Variants in BAIAP2L1 observed in about 807,000 individuals in gnomAD.
The protein encoded by BAIAP2L1 is BAR/IMD domain-containing adapter protein 2-like 1.
In BAIAP2L1, 35 loss-of-function variants were observed where a neutral mutation model predicts 66.3. The observed-to-expected ratio is 0.53, with a 90% CI of 0.40 to 0.70. The LOEUF (loss-of-function observed/expected upper bound fraction) is 0.70. Among genes scored for constraint, BAIAP2L1 ranks in the 30% least tolerant of loss-of-function variants. The pLI, the probability that BAIAP2L1 is intolerant of heterozygous loss-of-function variation, is 0.00. For missense variants in BAIAP2L1, 622 were observed against 656.9 expected (o/e 0.95, Z 0.58); for synonymous variants, 269 against 248.7 (o/e 1.08, Z -0.77).
intron 2 of BAIAP2L1, chr7:98,355,556 CAA>C (rs60113566): frequency 4.4e-4 from 51 of 116,438 alleles, no homozygotes; most frequent in South Asian, 1.4e-3. Context: ...CCCGCCTCTA[CAA>C]AAAAAAAAAA....
chr7:98,352,426 G>A (rs1293611262), intron 3 of BAIAP2L1, among the ~76,000 whole-genome samples: 4 of 152,260 alleles, frequency 2.6e-5, no homozygotes, highest in South Asian at 4.1e-4. Flanking sequence ...TGGGTCACCC[G>A]AGGTCAGGAG....
intron 3 of BAIAP2L1, among the ~76,000 whole-genome samples, chr7:98,349,848 G>A (rs1318456212): frequency 6.6e-6 from 1 of 152,082 alleles, no homozygotes; most frequent in African/African-American, 2.4e-5. Flanking sequence ...CCTGAGGTTG[G>A]GAGTTCGAGA....
At chr7:98,392,010 T>C (rs1393856181) in intron 1 of BAIAP2L1, among the ~76,000 whole-genome samples, 2 of 151,876 alleles carry the variant, frequency 1.3e-5, no homozygotes, top group Non-Finnish European at 2.9e-5. Flanking sequence ...ATCCCTTCTA[T>C]GTGTTATTAA....
rs1210348622 is a variant in BAIAP2L1 at position 98,292,988 on chromosome 7, G to A, written c.*533C>T. ...GGTGGGGGTTTCTCCATCTCTGGAA[G>A]CTCTACACTTAAACATTTTAAGTTA... On this transcript the variant is annotated 3_prime_UTR_variant, in exon 14 of 14. Coordinates refer to ENST00000005260, the MANE Select transcript of BAIAP2L1 (RefSeq NM_018842.5). 9 of 1,183,118 alleles carry A rather than the reference G, an allele frequency of 7.6e-6. No individual in the cohort carries two copies. Among genetic ancestry groups the A allele is most frequent in the Non-Finnish European group, 8.4e-6 (8 of 953,730 alleles). 73.3% of individuals were successfully genotyped at this position (1,183,118 alleles called of 1,614,324 possible). A position where few individuals can be genotyped will look rare whatever the true frequency, so the allele number is the denominator to read the frequency against.
intron 3 of BAIAP2L1, among the ~76,000 whole-genome samples, chr7:98,352,569 G>A (rs1285145468): frequency 6.6e-6 from 1 of 152,126 alleles, no homozygotes; most frequent in Admixed American, 6.5e-5. Flanking sequence ...TTGAACCCTG[G>A]AGGCAGAGGC....
intron 3 of BAIAP2L1, among the ~76,000 whole-genome samples, chr7:98,342,987 G>GATAAAGGATTTA (rs1416237661): frequency 7.9e-5 from 12 of 151,846 alleles, no homozygotes; most frequent in Non-Finnish European, 1.8e-4. Context: ...TATCACGTGT[G>GATAAAGGATTTA]ATAAAGGATT....
chr7:98,394,850 G>A (rs1803161940), intron 1 of BAIAP2L1, among the ~76,000 whole-genome samples: 1 of 152,176 alleles, frequency 6.6e-6, no homozygotes, highest in Non-Finnish European at 1.5e-5. Context: ...AGTGGCTCAC[G>A]CCTGCAATCC....
chr7:98,346,291 C>T (rs569262318), intron 3 of BAIAP2L1, among the ~76,000 whole-genome samples: 59 of 152,154 alleles, frequency 3.9e-4, no homozygotes, highest in African/African-American at 1.3e-3. Flanking sequence ...TAGGACAAAA[C>T]ACATAAAGAA....
At chr7:98,342,038 CTGAT>C (rs1801751789) in intron 3 of BAIAP2L1, among the ~76,000 whole-genome samples, 1 of 117,466 alleles carries the variant, frequency 8.5e-6, no homozygotes, top group Non-Finnish European at 1.8e-5. Flanking sequence ...AAATTTTTTT[CTGAT>C]TTTTTTTTTT....
At chr7:98,309,677 C>T (rs1800798707) in intron 9 of BAIAP2L1, 1 of 152,250 alleles carries the variant, frequency 6.6e-6, no homozygotes, top group Non-Finnish European at 1.5e-5. Flanking sequence ...CGCTGTGGTC[C>T]AGGGCTCTCT....
chr7:98,382,945 T>C (rs1056634012), intron 1 of BAIAP2L1, among the ~76,000 whole-genome samples: 3 of 152,108 alleles, frequency 2.0e-5, no homozygotes, highest in Non-Finnish European at 4.4e-5. Flanking sequence ...GAATGAAACC[T>C]GAGGTCAGGA....
intron 1 of BAIAP2L1, among the ~76,000 whole-genome samples, chr7:98,371,933 T>C (rs1475042361): frequency 2.0e-5 from 3 of 151,830 alleles, no homozygotes; most frequent in South Asian, 2.1e-4. Flanking sequence ...TAGCTGAGAC[T>C]ACAGATGCCC....
chr7:98,395,113 AAAAAC>A lies in BAIAP2L1; in HGVS notation c.51+5684_51+5688del, dbSNP rs1011228513. 4.5e-4 allele frequency among the ~76,000 whole-genome samples: 68 copies of A among 151,996 alleles called. No individual in the cohort carries two copies. The Middle Eastern group carries it at 0.01, about 23-fold the overall frequency. On this transcript the variant is annotated intron_variant, in intron 1 of 13. Coordinates refer to ENST00000005260, the MANE Select transcript of BAIAP2L1 (RefSeq NM_018842.5). ...GTGACAGAGCAAGACTCCGTCTCAA[AAAAAC>A]AAAACAAAACAAAACCAAAGAAAGA...
intron 12 of BAIAP2L1, among the ~76,000 whole-genome samples, chr7:98,295,794 C>T (rs1317509120): frequency 6.6e-6 from 1 of 152,174 alleles, no homozygotes; most frequent in African/African-American, 2.4e-5. Context: ...TTCAGAGCCT[C>T]CTGGGCCCCC....
chr7:98,363,041 T>C (rs1324848777), intron 1 of BAIAP2L1, among the ~76,000 whole-genome samples: 3 of 144,104 alleles, frequency 2.1e-5, no homozygotes, highest in Non-Finnish European at 4.5e-5. Context: ...TTTTTTTTTT[T>C]TTTTTTTTTT....
chr7:98,343,761 G>T (rs766974586), intron 3 of BAIAP2L1, among the ~76,000 whole-genome samples: 4 of 152,164 alleles, frequency 2.6e-5, no homozygotes, highest in Non-Finnish European at 5.9e-5. Context: ...CTACTGTCTG[G>T]GTAAGGGCCA....
At chr7:98,330,765 TAGC>T (rs1801478075) in intron 3 of BAIAP2L1, among the ~76,000 whole-genome samples, 1 of 152,138 alleles carries the variant, frequency 6.6e-6, no homozygotes, top group Non-Finnish European at 1.5e-5. Context: ...CTTCTACTCA[TAGC>T]AGAAGGCAAC....
chr7:98,312,114 T>C lies in BAIAP2L1; in HGVS notation c.790A>G (p.Ile264Val). 6.2e-7 allele frequency: 1 copy of C among 1,605,380 alleles called. No homozygotes were observed. The highest frequency in any genetic ancestry group is 2.2e-5 in the East Asian group (1 of 44,640). ...VSGTPQASPM[I>V]ERSNVVRKDY... Reference sequence around the variant, plus strand: ...GCTCCTACCACATTGCTTCTCTCGATCATGGGTGAAGCCTGAGGAGTTCCA... The same window carrying C: ...GCTCCTACCACATTGCTTCTCTCGACCATGGGTGAAGCCTGAGGAGTTCCA... Residue 264 changes from isoleucine to valine, a missense_variant, in exon 8 of 14, where the codon ATC (isoleucine) becomes GTC (valine). Transcript: ENST00000005260.
In BAIAP2L1 at chr7:98,297,314, T is replaced by G. The variant is rs551158847; in HGVS notation, c.1423-3203A>C. Among the ~76,000 whole-genome samples the G allele has an allele frequency of 2.6e-5, 4 of 152,294 alleles. No individual in the cohort carries two copies. The South Asian group carries it at 8.3e-4, about 32-fold the overall frequency. ...CGGAGCTTCCAGGGTGCCCACCACATAGCCATGCGCCCAGGTTGGGGGACT... is the reference window on the plus strand; with the variant it reads ...CGGAGCTTCCAGGGTGCCCACCACAGAGCCATGCGCCCAGGTTGGGGGACT... On this transcript the variant is annotated intron_variant, in intron 12 of 13. Transcript: ENST00000005260.
Sources: gnomAD v4.1 joint callset for allele counts (sites outside exome capture counted in the v4.1 genomes callset) on GRCh38, gnomAD v4.1.1 for gene constraint, MANE v1.5 for transcripts, NCBI Gene and HGNC (gene_info 2026-07-23, HGNC 2026-07-21) for gene names.